The following IL13RA1 variants were observed in gnomAD, a reference collection of about 807,000 sequenced individuals.
The protein encoded by IL13RA1 is interleukin 13 receptor subunit alpha 1.
In IL13RA1, 14 loss-of-function variants were observed where a neutral mutation model predicts 33.8. That is an observed-to-expected ratio of 0.41 (90% CI 0.27 to 0.65). The LOEUF (loss-of-function observed/expected upper bound fraction) is 0.65, where lower values mean the gene tolerates loss of function less well. Among genes scored for constraint, IL13RA1 ranks in the 30% least tolerant of loss-of-function variants. The pLI is 0.28. For missense variants in IL13RA1, 313 were observed against 327.0 expected (o/e 0.96, Z 0.33); for synonymous variants, 116 against 115.7 (o/e 1.00, Z -0.02).
intron 8 of IL13RA1, 38 bp downstream of exon 8, chrX:118,767,014 G>A (rs752378850): frequency 2.4e-6 from 2 of 842,016 alleles, no homozygotes; most frequent in South Asian, 5.3e-5. Flanking sequence ...TTAAAACACT[G>A]ATGTATAAAA....
chrX:118,787,225 AAAAGAGAGAAATT>A (rs1216085220), intron 10 of IL13RA1, among the ~76,000 whole-genome samples: 8 of 111,763 alleles, frequency 7.2e-5, no homozygotes, highest in African/African-American at 2.6e-4. Flanking sequence ...GAAAGAGTAC[AAAAGAGAGAAATT>A]TTAAAGCTGG....
At chrX:118,733,303 A>G (rs762447412) in intron 1 of IL13RA1, among the ~76,000 whole-genome samples, 2 of 111,071 alleles carry the variant, frequency 1.8e-5, no homozygotes, top group Non-Finnish European at 3.8e-5. Flanking sequence ...GCCAACATTT[A>G]TTTTCTGTTT....
At chrX:118,768,983 C>G (rs1349496227) in intron 8 of IL13RA1, among the ~76,000 whole-genome samples, 1 of 112,570 alleles carries the variant, frequency 8.9e-6, no homozygotes, top group African/African-American at 3.2e-5. Context: ...AGGGCTACTT[C>G]CTGACATGGA....
chrX:118,788,366 C>T (rs2017942475), intron 10 of IL13RA1, among the ~76,000 whole-genome samples: 1 of 112,112 alleles, frequency 8.9e-6, no homozygotes, highest in African/African-American at 3.2e-5. Context: ...TGTTTTTGTA[C>T]AGTCTTTAAC....
chrX:118,733,044 A>G (rs1045167027), intron 1 of IL13RA1, among the ~76,000 whole-genome samples: 3 of 112,204 alleles, frequency 2.7e-5, no homozygotes, highest in Admixed American at 9.5e-5. Context: ...TTATCTGTTT[A>G]TCTGTCAATG....
At chrX:118,783,561 G>A (rs2017868589) in intron 10 of IL13RA1, among the ~76,000 whole-genome samples, 1 of 111,042 alleles carries the variant, frequency 9.0e-6, no homozygotes, top group African/African-American at 3.3e-5. Flanking sequence ...TCAAATTTTG[G>A]GGATGAAAAA....
downstream of IL13RA1, among the ~76,000 whole-genome samples, chrX:118,798,812 G>A (rs1293593384): frequency 3.5e-5 from 4 of 112,725 alleles, no homozygotes; most frequent in East Asian, 5.6e-4. Context: ...CACAGCCCTC[G>A]CTCGCTCTCG....
At chrX:118,795,227 AAAAG>A (rs1556376045), downstream of IL13RA1, among the ~76,000 whole-genome samples, 4 of 95,006 alleles carry the variant, frequency 4.2e-5, no homozygotes, top group East Asian at 3.2e-4. Flanking sequence ...AAAAAAAAAA[AAAAG>A]AAAAAGAAAA....
intron 10 of IL13RA1, among the ~76,000 whole-genome samples, chrX:118,780,928 C>T (rs1269267458): frequency 8.9e-6 from 1 of 112,291 alleles, no homozygotes; most frequent in Non-Finnish European, 1.9e-5. Context: ...TCTTCTTCCA[C>T]ACTGCACCAT....
intron 1 of IL13RA1, among the ~76,000 whole-genome samples, chrX:118,740,272 G>A (rs2017327966): frequency 8.9e-6 from 1 of 112,132 alleles, no homozygotes; most frequent in Non-Finnish European, 1.9e-5. Flanking sequence ...AGTCTGTATG[G>A]AGTGAGGTGT....
At chrX:118,765,770 T>C (rs2017641417) in intron 6 of IL13RA1, among the ~76,000 whole-genome samples, 1 of 112,544 alleles carries the variant, frequency 8.9e-6, no homozygotes, top group Non-Finnish European at 1.9e-5. Flanking sequence ...AAGCAGAAAT[T>C]GTGAGTTCTA....
rs141752835 is a variant in IL13RA1 at position 118,746,964 on chromosome X, C to T, written c.239C>T (p.Pro80Leu). The change falls in exon 3 of 11, where the codon CCG (proline) becomes CTG (leucine). Residue 80 changes from proline (P) to leucine (L), a missense_variant. Pro to Leu is a moderately conservative substitution (Grantham distance 98). Transcript: ENST00000371666. ...FGDKQDKKIA[P>L]ETRRSIEVPL... is the part of the protein sequence containing the mutation. ...ATTTTCTAACCTTAGAAAATAGCTC[C>T]GGAAACTCGTCGTTCAATAGAAGTA... The T allele has an allele frequency of 2.7e-5, 32 of 1,189,618 alleles. No individual in the cohort carries two copies. Among genetic ancestry groups the T allele is most frequent in the Non-Finnish European group, 3.3e-5 (29 of 878,956 alleles).
At chrX:118,742,929 A>G (rs889630805) in intron 2 of IL13RA1, among the ~76,000 whole-genome samples, 2 of 111,627 alleles carry the variant, frequency 1.8e-5, no homozygotes, top group African/African-American at 6.5e-5. Context: ...AAAATGGTTG[A>G]ATGTTGTCAG....
At position 118,761,156 on chromosome X, in the gene IL13RA1, A is replaced by G. The variant is rs2017585858; in HGVS notation, c.695A>G (p.His232Arg). 9.6e-7 allele frequency: 1 copy of G among 1,046,515 alleles called. No homozygotes were observed. The highest frequency in any genetic ancestry group is 2.8e-5 in the Admixed American group (1 of 35,325). The allele number at this position is 1,046,515 out of a possible 1,213,427, so 86.2% of individuals were successfully genotyped here. The change falls in exon 6 of 11, where the codon CAT (histidine) becomes CGT (arginine). Residue 232 changes from histidine (H) to arginine (R), a missense_variant. By Grantham distance (29) the His-to-Arg change is conservative. Transcript: ENST00000371666. ...TTTTCAGTGAAACCTGATCCTCCAC[A>G]TATTAAAAACCTCTCCTTCCACAAT... is the stretch of plus-strand genomic sequence containing the variant. ...LTSRVKPDPP[H>R]IKNLSFHNDD...
At chrX:118,784,077 C>CA (rs376419026) in intron 10 of IL13RA1, among the ~76,000 whole-genome samples, 944 of 25,297 alleles carry the variant, frequency 0.037, 42 homozygotes, top group African/African-American at 0.17. Context: ...ACTCTGTCGC[C>CA]AAAAAAAAAA....
intron 10 of IL13RA1, among the ~76,000 whole-genome samples, chrX:118,788,325 A>G (rs923753515): frequency 1.8e-5 from 2 of 112,127 alleles, no homozygotes; most frequent in Admixed American, 9.5e-5. Flanking sequence ...TCTGCAAACT[A>G]TAGACCAAGG....
downstream of IL13RA1, among the ~76,000 whole-genome samples, chrX:118,797,945 G>A (rs1045030283): frequency 4.5e-5 from 5 of 111,990 alleles, no homozygotes; most frequent in Non-Finnish European, 9.4e-5. Context: ...TGAGCAGAGA[G>A]TGCAGCCACA....
chrX:118,773,766 TG>T (rs2147392412), intron 8 of IL13RA1, 112 bp from the exon 9 acceptor site: 1 of 504,185 alleles, frequency 2.0e-6, no homozygotes, highest in East Asian at 3.7e-5. Flanking sequence ...GAAAATAGGT[TG>T]GGGGAGGGAG....
intron 2 of IL13RA1, among the ~76,000 whole-genome samples, chrX:118,745,388 T>G (rs1176031100): frequency 9.7e-6 from 1 of 103,075 alleles, no homozygotes; most frequent in Non-Finnish European, 2.0e-5. Flanking sequence ...CTCTTTTTCC[T>G]GCCTGTCAGG....
Sources: allele counts gnomAD v4.1 joint callset (sites outside exome capture counted in the v4.1 genomes callset), GRCh38; gene constraint gnomAD v4.1.1; transcripts MANE v1.5; gene names NCBI Gene and HGNC (gene_info 2026-07-23, HGNC 2026-07-21).